DNAH1: variants seen among roughly 807,000 people sequenced by gnomAD.
DNAH1 encodes axonemal beta dynein heavy chain 1.
DNAH1 carries 327 observed loss-of-function variants against 484.3 expected under a neutral mutation model. That is an observed-to-expected ratio of 0.68 (90% CI 0.62 to 0.74). The LOEUF is 0.74. DNAH1 is among the 30% of genes least tolerant of loss of function. The probability of loss-of-function intolerance (pLI) is 0.00; values close to 1 mark genes in which losing one functional copy is unlikely to be tolerated. For synonymous variants in DNAH1, 2,192 were observed against 2,191.9 expected (o/e 1.00, Z 0.00); for missense variants, 5,052 against 5,546.8 (o/e 0.91, Z 2.83).
intron 32 of DNAH1, among the ~76,000 whole-genome samples, chr3:52,363,795 A>G (rs938764118): frequency 6.6e-6 from 1 of 152,176 alleles, no homozygotes; most frequent in Non-Finnish European, 1.5e-5. Flanking sequence ...ATGAACACCA[A>G]TCACTGTGGC....
chr3:52,398,757 A>G (rs1578210974), intron 75 of DNAH1, 93 bp from the exon 76 acceptor site: 2 of 1,149,340 alleles, frequency 1.7e-6, no homozygotes, highest in South Asian at 3.4e-5. Flanking sequence ...ATGTTTTGCC[A>G]TTGTTTTTCA....
Position 52,358,738 on chromosome 3 carries a change from G to A in DNAH1, c.4266+1G>A. On this transcript the variant is annotated splice_donor_variant, in intron 25 of 77. Coordinates refer to ENST00000420323, the MANE Select transcript of DNAH1 (RefSeq NM_015512.5). LOFTEE classifies it high-confidence loss of function. This position sits in a 1 kb window ranked among gnomAD's most constrained non-coding sequence, Gnocchi z 4.2. The stretch of plus-strand genomic sequence containing the variant: ...GAAGGCCATCAGGGCCTACCCCACG[G>A]TGAGCCGCCCGCAGCCCGTGCAGCC... 5 of 1,611,980 alleles carry A rather than the reference G, an allele frequency of 3.1e-6. No homozygotes were observed. Among genetic ancestry groups the A allele is most frequent in the Non-Finnish European group, 4.2e-6 (5 of 1,179,498 alleles).
rs148358680 is a variant in DNAH1 at position 52,397,528 on chromosome 3, G to C, written c.11788-179G>C. On this transcript the variant is annotated intron_variant, in intron 73 of 77. Coordinates refer to ENST00000420323, the MANE Select transcript of DNAH1 (RefSeq NM_015512.5). Reference sequence around the variant, plus strand: ...CAAGGAGGCTGGGAGGGAAGCAAGGGCCACACCACACAGTGCCTCAGAGGC... The same window carrying C: ...CAAGGAGGCTGGGAGGGAAGCAAGGCCCACACCACACAGTGCCTCAGAGGC... Among the ~76,000 whole-genome samples, 453 of 151,804 alleles carry C rather than the reference G, an allele frequency of 3.0e-3. 1 individual carries two copies. The highest frequency in any genetic ancestry group is 0.01 in the African/African-American group (431 of 41,088).
Position 52,364,623 on chromosome 3 carries a change from T to G in DNAH1, c.5245-15T>G. The G allele has an allele frequency of 6.2e-7, 1 of 1,613,870 alleles. No homozygotes were observed. The highest frequency in any genetic ancestry group is 8.5e-7 in the Non-Finnish European group (1 of 1,179,822). On this transcript the variant is annotated splice_polypyrimidine_tract_variant and intron_variant, in intron 32 of 77. Transcript: ENST00000420323. This position sits in a 1 kb window ranked among gnomAD's most constrained non-coding sequence, Gnocchi z 4.2. ...GGGACAGTGCTCACCCATGCCTCCT[T>G]CTGTATGGCGACAGGATCACTATGA...
Position 52,396,379 on chromosome 3 carries a change from C to T in DNAH1, c.11271C>T (p.Asp3757=). 6.3e-7 allele frequency: 1 copy of T among 1,576,892 alleles called. No individual in the cohort carries two copies. The highest frequency in any genetic ancestry group is 8.6e-7 in the Non-Finnish European group (1 of 1,162,124). ...GCCATGGCCACCAGGTACACAGGGA[C>T]TTCCGCCTCTGGCTCACCAGCCTGC... ...EHINPDKVHR[D]FRLWLTSLPS... The change falls in exon 71 of 78, where the codon GAC becomes GAT. Residue 3757 remains aspartate, a synonymous_variant. Coordinates refer to ENST00000420323, the MANE Select transcript of DNAH1 (RefSeq NM_015512.5).
At position 52,369,962 on chromosome 3, in the gene DNAH1, T is replaced by A. The variant is rs754783374; in HGVS notation, c.6081T>A (p.Pro2027=). 44 of 1,613,958 alleles carry A rather than the reference T, an allele frequency of 2.7e-5. No homozygotes were observed. Among genetic ancestry groups the A allele is most frequent in the Non-Finnish European group, 3.6e-5 (42 of 1,179,888 alleles). The change falls in exon 38 of 78, where the codon CCT becomes CCA. Residue 2027 remains proline (P), a synonymous_variant. Transcript: ENST00000420323. ...TCGAGTGCTGGCTGAGGAAGCTGCCTCCCTTGCTGAAGCCCTATGAGGAGC... is the reference window on the plus strand; with the variant it reads ...TCGAGTGCTGGCTGAGGAAGCTGCCACCCTTGCTGAAGCCCTATGAGGAGC... ...PFIECWLRKL[P]PLLKPYEEHF... is the part of the protein sequence containing the mutation.
At position 52,364,515 on chromosome 3, in the gene DNAH1, C is replaced by T; in HGVS notation, c.5245-123C>T. The T allele has an allele frequency of 8.9e-7, 1 of 1,120,836 alleles. No individual in the cohort carries two copies. The highest frequency in any genetic ancestry group is 1.3e-5 in the South Asian group (1 of 76,846). The allele number at this position is 1,120,836 out of a possible 1,614,324, so 69.4% of individuals were successfully genotyped here. On this transcript the variant is annotated intron_variant, in intron 32 of 77. Coordinates refer to ENST00000420323, the MANE Select transcript of DNAH1 (RefSeq NM_015512.5). The surrounding 1 kb of genome is among the most constrained non-coding windows in gnomAD (Gnocchi z 4.2). ...CATGTAGGTGGTCCCAGCAGGTCTG[C>T]AAGGGAAGTGCTATGAGCTGGTGAT...
chr3:52,363,260 T>C (rs1395553339), intron 32 of DNAH1, 116 bp downstream of exon 32: 9 of 1,364,566 alleles, frequency 6.6e-6, no homozygotes, highest in Non-Finnish European at 8.0e-6. Context: ...CATTACCTTG[T>C]CGGCTTCTCC....
chr3:52,344,465 C>CCCCATCT, intron 8 of DNAH1, 25 bp from the exon 9 acceptor site: 1 of 1,607,802 alleles, frequency 6.2e-7, no homozygotes, highest in Non-Finnish European at 8.5e-7. Flanking sequence ...CCCCTGATTC[C>CCCCATCT]CCCATCTCCC....
At chr3:52,351,266 G>A (rs1193643503) in intron 16 of DNAH1, among the ~76,000 whole-genome samples, 1 of 152,178 alleles carries the variant, frequency 6.6e-6, no homozygotes. Context: ...CCTGGAGAGG[G>A]GCATTTGTCC....
rs113617561 is a variant in DNAH1, at chr3:52,371,978, T to C, written c.6558T>C (p.Ala2186=). 1 of 1,613,616 alleles carries C rather than the reference T, an allele frequency of 6.2e-7. No homozygotes were observed. The highest frequency in any genetic ancestry group is 8.5e-7 in the Non-Finnish European group (1 of 1,179,856). The change falls in exon 42 of 78, where the codon GCT becomes GCC. Residue 2186 remains alanine, a synonymous_variant. Transcript: ENST00000420323. ...VAWVKWMDSS[A]PFTMVPDTNY... is the part of the protein sequence containing the mutation. ...GGGTGAAGTGGATGGACTCCTCAGC[T>C]CCATTCACCATGGTACCAGACACCA...
At chr3:52,372,454 C>A (rs1431528349) in intron 43 of DNAH1, 67 bp downstream of exon 43, 1 of 1,581,268 alleles carries the variant, frequency 6.3e-7, no homozygotes, top group African/African-American at 1.3e-5. Context: ...GCTGCTGTCC[C>A]ACCTCTCCAC....
intron 8 of DNAH1, among the ~76,000 whole-genome samples, chr3:52,337,824 C>T (rs184793846): frequency 1.3e-5 from 2 of 152,148 alleles, no homozygotes; most frequent in Non-Finnish European, 2.9e-5. Context: ...CAGGGTCTTG[C>T]TCTGTCACCC....
chr3:52,319,207 T>G (rs547157745), intron 1 of DNAH1, among the ~76,000 whole-genome samples: 1 of 152,382 alleles, frequency 6.6e-6, no homozygotes, highest in Non-Finnish European at 1.5e-5. Flanking sequence ...CCCCTATTCA[T>G]CTGTGTCTCT....
In DNAH1 at chr3:52,383,926, C is replaced by T. The variant is rs571903508; in HGVS notation, c.8217C>T (p.Ile2739=). Residue 2739 remains isoleucine, a synonymous_variant, in exon 52 of 78, where the codon ATC becomes ATT. Coordinates refer to ENST00000420323, the MANE Select transcript of DNAH1 (RefSeq NM_015512.5). Reference sequence around the variant, plus strand: ...CCTCCCTGGTCAACTGCTGTACCATCGACTGGTTTAACGAGTGGCCGGCAG... The same window carrying T: ...CCTCCCTGGTCAACTGCTGTACCATTGACTGGTTTAACGAGTGGCCGGCAG... ...QFPSLVNCCT[I]DWFNEWPAEA... 120 of 1,613,454 alleles carry T rather than the reference C, an allele frequency of 7.4e-5. 2 individuals are homozygous for T. The South Asian group carries it at 1.2e-3, about 16-fold the overall frequency.
Position 52,381,510 on chromosome 3 carries a change from C to T in DNAH1, c.7609-130C>T, listed in dbSNP as rs1031010526. ...CCTGCAGGGGAAACATGCAGCTGGCCGGGTCACAGGTGGTCAAGGCACCTG... is the reference window on the plus strand; with the variant it reads ...CCTGCAGGGGAAACATGCAGCTGGCTGGGTCACAGGTGGTCAAGGCACCTG... On this transcript the variant is annotated intron_variant, in intron 48 of 77. Transcript: ENST00000420323. The surrounding 1 kb of genome is among the most constrained non-coding windows in gnomAD (Gnocchi z 4.1). 9.5e-6 allele frequency: 7 copies of T among 735,086 alleles called. No individual in the cohort carries two copies. Among genetic ancestry groups the T allele is most frequent in the African/African-American group, 1.8e-5 (1 of 54,630 alleles). 45.5% of individuals were successfully genotyped at this position (735,086 alleles called of 1,614,324 possible).
Position 52,323,808 on chromosome 3 carries a change from G to A in DNAH1, c.334G>A (p.Glu112Lys). The A allele has an allele frequency of 1.3e-6, 2 of 1,589,798 alleles. No individual in the cohort carries two copies. Among genetic ancestry groups the A allele is most frequent in the African/African-American group, 1.3e-5 (1 of 74,510 alleles). ...LSPGTLDQLG[E>K]VCRGPRMSQN... ...TCAGGGCTCCATGGTTTGGTTTCAG[G>A]AGGTATGTCGTGGCCCCCGAATGAG... Residue 112 changes from glutamate (E) to lysine (K), a missense_variant and splice_region_variant, in exon 3 of 78, where the codon GAG (glutamate) becomes AAG (lysine). By Grantham distance (56) the Glu-to-Lys change is moderately conservative (BLOSUM62 1). This residue lies in a region of DNAH1 where 1,263 missense variants were observed against 1,218.8 expected (regional missense o/e 1.04). Transcript: ENST00000420323.
Position 52,375,340 on chromosome 3 carries a change from C to A in DNAH1, c.7086C>A (p.Asn2362Lys). Residue 2362 changes from asparagine (N) to lysine (K), a missense_variant, in exon 45 of 78, where the codon AAC (asparagine) becomes AAA (lysine). Transcript: ENST00000420323. Reference sequence around the variant, plus strand: ...CCCCGCGGCTGATGCGTCACTTCAACTACCTGTCTTTCGCTGAGATGGACG... The same window carrying A: ...CCCCGCGGCTGATGCGTCACTTCAAATACCTGTCTTTCGCTGAGATGGACG... ...TVTPRLMRHF[N>K]YLSFAEMDEV... The A allele has an allele frequency of 6.2e-7, 1 of 1,613,710 alleles. No individual in the cohort carries two copies. The highest frequency in any genetic ancestry group is 8.5e-7 in the Non-Finnish European group (1 of 1,179,782).
chr3:52,323,474 G>A (rs1701223973), intron 2 of DNAH1, among the ~76,000 whole-genome samples: 1 of 152,214 alleles, frequency 6.6e-6, no homozygotes, highest in Admixed American at 6.5e-5. Context: ...TGGCCCTTGG[G>A]AGAGGAGGTA....
Sources: allele counts gnomAD v4.1 joint callset (sites outside exome capture counted in the v4.1 genomes callset), GRCh38; gene constraint gnomAD v4.1.1; regional missense constraint gnomAD v4.1.1; non-coding constraint Gnocchi (gnomAD v3.1); transcripts MANE v1.5; gene names NCBI Gene and HGNC (gene_info 2026-07-23, HGNC 2026-07-21).